The following ARHGAP24 variants were observed in gnomAD, a reference collection of about 807,000 sequenced individuals.
The protein encoded by ARHGAP24 is rho GTPase-activating protein 24.
ARHGAP24 carries 50 observed loss-of-function variants against 76.4 expected under a neutral mutation model. The ratio of observed to expected loss-of-function variants is 0.65; its 90% CI spans 0.52 to 0.83. The LOEUF is 0.83. ARHGAP24 is among the 40% of genes least tolerant of loss of function. ARHGAP24 has a pLI of 0.00. For synonymous variants in ARHGAP24, 345 were observed against 323.3 expected, an observed-to-expected ratio of 1.07 and a Z score of -0.72; for missense variants, 930 against 914.2, an observed-to-expected ratio of 1.02 and a Z score of -0.22.
chr4:85,969,875 C>T lies in ARHGAP24; in HGVS notation c.600-2161C>T, dbSNP rs145888928. ...CAGTTTTGAAGATGACCTGGGAACA[C>T]GATTTTTATTTTCTTTACAAGGTTT... On this transcript the variant is annotated intron_variant, in intron 5 of 9. Transcript: ENST00000395184. 5.2e-4 allele frequency among the ~76,000 whole-genome samples: 79 copies of T among 152,164 alleles called. 1 individual carries two copies. Among genetic ancestry groups the T allele is most frequent in the African/African-American group, 1.6e-3 (67 of 41,508 alleles).
At chr4:85,557,573 C>T (rs180998072) in intron 1 of ARHGAP24, among the ~76,000 whole-genome samples, 11 of 152,276 alleles carry the variant, frequency 7.2e-5, no homozygotes, top group Admixed American at 7.2e-4. Context: ...CTGTCTCACT[C>T]TTCTCTGTTC....
chr4:85,901,225 A>G (rs2148790649), intron 3 of ARHGAP24, among the ~76,000 whole-genome samples: 1 of 152,280 alleles, frequency 6.6e-6, no homozygotes, highest in South Asian at 2.1e-4. Flanking sequence ...AAGAAAAACA[A>G]ATGATTTACC....
chr4:85,690,229 GATATTCATCAGAGATATTTATCAGAA>G (rs1723581204), intron 2 of ARHGAP24, among the ~76,000 whole-genome samples: 1 of 152,008 alleles, frequency 6.6e-6, no homozygotes, highest in Non-Finnish European at 1.5e-5. Context: ...ATTCATCAGA[GATATTCATCAGAGATATTTATCAGAA>G]ATAAAAGAAA....
At chr4:85,726,568 G>A (rs1421358404) in intron 3 of ARHGAP24, among the ~76,000 whole-genome samples, 1 of 152,128 alleles carries the variant, frequency 6.6e-6, no homozygotes, top group African/African-American at 2.4e-5. Context: ...TTGGGAGCAG[G>A]AAGACAGATA....
intron 2 of ARHGAP24, among the ~76,000 whole-genome samples, chr4:85,658,485 T>A (rs1424983366): frequency 1.3e-5 from 2 of 152,222 alleles, no homozygotes; most frequent in African/African-American, 4.8e-5. Context: ...TTCATAAATA[T>A]TATTTGATCT....
At chr4:85,615,291 T>C (rs1720509840) in intron 2 of ARHGAP24, among the ~76,000 whole-genome samples, 2 of 152,136 alleles carry the variant, frequency 1.3e-5, no homozygotes, top group African/African-American at 2.4e-5. Flanking sequence ...TTACATATAT[T>C]GTATTTATTT....
intron 3 of ARHGAP24, among the ~76,000 whole-genome samples, chr4:85,759,604 T>C (rs1456841364): frequency 6.6e-6 from 1 of 152,116 alleles, no homozygotes; most frequent in Non-Finnish European, 1.5e-5. Context: ...AGAATTGCAC[T>C]TGAGGATAGT....
chr4:85,871,142 G>A (rs892009425), intron 3 of ARHGAP24, among the ~76,000 whole-genome samples: 2 of 152,078 alleles, frequency 1.3e-5, no homozygotes, highest in South Asian at 2.1e-4. Context: ...TACAGTCTTA[G>A]GGTTTAACCC....
intron 8 of ARHGAP24, among the ~76,000 whole-genome samples, chr4:85,983,586 T>C (rs1739812365): frequency 6.6e-6 from 1 of 152,186 alleles, no homozygotes; most frequent in African/African-American, 2.4e-5. Flanking sequence ...AAAGAAGATA[T>C]TTATGCAGCC....
At chr4:85,788,041 A>C (rs1578228981) in intron 3 of ARHGAP24, among the ~76,000 whole-genome samples, 1 of 152,166 alleles carries the variant, frequency 6.6e-6, no homozygotes, top group South Asian at 2.1e-4. Flanking sequence ...GAAGAGAAGG[A>C]GTGGTGAGAG....
At chr4:85,647,279 A>G (rs1721760891) in intron 2 of ARHGAP24, among the ~76,000 whole-genome samples, 1 of 152,118 alleles carries the variant, frequency 6.6e-6, no homozygotes, top group Admixed American at 6.6e-5. Flanking sequence ...ATAATTCTAT[A>G]ATTAATTATT....
At chr4:85,684,477 G>T (rs1723347584) in intron 2 of ARHGAP24, among the ~76,000 whole-genome samples, 4 of 152,012 alleles carry the variant, frequency 2.6e-5, no homozygotes, top group African/African-American at 9.7e-5. Flanking sequence ...TCTTTGAAAT[G>T]AGAAATGGCC....
intron 4 of ARHGAP24, among the ~76,000 whole-genome samples, chr4:85,930,008 C>T (rs889903362): frequency 4.1e-4 from 62 of 152,278 alleles, no homozygotes; most frequent in African/African-American, 1.3e-3. Context: ...GAGTTTGTAC[C>T]GTAGCGTGGC....
rs1368570027 is a variant in ARHGAP24 at position 85,994,740 on chromosome 4, G to A, written c.1086G>A (p.Glu362=). Residue 362 remains glutamate, a synonymous_variant, in exon 9 of 10, where the codon GAG becomes GAA. Transcript: ENST00000395184. ...CCATGGGGCAGTTACAGAACAAGGA[G>A]AACAATAACACCAAGGACAGCCCTA... ...KATMGQLQNK[E]NNNTKDSPSR... 1.2e-6 allele frequency: 2 copies of A among 1,614,056 alleles called. No individual in the cohort carries two copies. The highest frequency in any genetic ancestry group is 1.7e-6 in the Non-Finnish European group (2 of 1,180,016).
At chr4:85,499,344 T>A (rs1000198502) in intron 1 of ARHGAP24, among the ~76,000 whole-genome samples, 1 of 152,190 alleles carries the variant, frequency 6.6e-6, no homozygotes, top group Non-Finnish European at 1.5e-5. Context: ...GATTTCAATG[T>A]TAATGAAATA....
At chr4:85,553,082 G>T (rs1331582278) in intron 1 of ARHGAP24, among the ~76,000 whole-genome samples, 2 of 152,078 alleles carry the variant, frequency 1.3e-5, no homozygotes, top group Admixed American at 6.5e-5. Flanking sequence ...GACCTTCGCA[G>T]TGAGCATTAC....
rs544656930 is a variant in ARHGAP24, at chr4:85,641,201, A to G, written c.180+70480A>G. 7.9e-5 allele frequency among the ~76,000 whole-genome samples: 12 copies of G among 152,230 alleles called. No homozygotes were observed. In the South Asian group the frequency reaches 1.9e-3, roughly 24 times the overall value. On this transcript the variant is annotated intron_variant, in intron 2 of 9. Transcript: ENST00000395184. ...GGCCTCAAACTCCTGGTATCAAATG[A>G]TCCTTCCAGCTCAGCCTTGCGCGTA...
chr4:85,515,577 A>T lies in ARHGAP24; in HGVS notation c.-21+40018A>T, dbSNP rs370741361. Among the ~76,000 whole-genome samples, 6 of 152,106 alleles carry T rather than the reference A, an allele frequency of 3.9e-5. No individual in the cohort carries two copies. In the South Asian group the frequency reaches 1.2e-3, roughly 32 times the overall value. On this transcript the variant is annotated intron_variant, in intron 1 of 9. Coordinates refer to ENST00000395184, the MANE Select transcript of ARHGAP24 (RefSeq NM_001025616.3). ...AGCTGTCTCTCTTTTTCAATTGACC[A>T]TATGTCCATAAATCATTCCATTAGC...
intron 8 of ARHGAP24, among the ~76,000 whole-genome samples, chr4:85,994,062 G>C (rs1740499754): frequency 6.6e-6 from 1 of 152,126 alleles, no homozygotes; most frequent in Non-Finnish European, 1.5e-5. Context: ...TGATATATTA[G>C]AGAAACCATG....
Sources: gnomAD v4.1 joint callset for allele counts (sites outside exome capture counted in the v4.1 genomes callset) on GRCh38, gnomAD v4.1.1 for gene constraint, MANE v1.5 for transcripts, NCBI Gene and HGNC (gene_info 2026-07-23, HGNC 2026-07-21) for gene names.